Variants in ARHGAP44 observed in about 807,000 individuals in gnomAD.
The protein encoded by ARHGAP44 is rho GTPase-activating protein 44.
ARHGAP44 carries 43 observed loss-of-function variants against 106.8 expected under a neutral mutation model. The observed-to-expected ratio is 0.40, with a 90% CI of 0.32 to 0.52. The LOEUF is 0.52. Among genes scored for constraint, ARHGAP44 ranks in the 20% least tolerant of loss-of-function variants. The pLI is 0.48. For synonymous variants in ARHGAP44, 439 were observed against 410.3 expected (o/e 1.07, Z -0.85); for missense variants, 866 against 1,050.5 (o/e 0.82, Z 2.43).
intron 3 of ARHGAP44, among the ~76,000 whole-genome samples, chr17:12,898,198 A>G (rs1158860209): frequency 6.6e-6 from 1 of 152,072 alleles, no homozygotes; most frequent in East Asian, 1.9e-4. Flanking sequence ...GATTAGTTTG[A>G]ATTATTACGG....
At position 12,943,877 on chromosome 17, in the gene ARHGAP44, C is replaced by T. The variant is rs12603473; in HGVS notation, c.734-192C>T. Among the ~76,000 whole-genome samples the T allele has an allele frequency of 1.9e-3, 282 of 152,232 alleles. 10 individuals are homozygous for T. In the East Asian group the frequency reaches 0.051, roughly 27 times the overall value. Reference sequence around the variant, plus strand: ...GAACATTAACCCCAGTGGCCCTGGACGCAATTGGCTGGCCATCCCCCACCC... The same window carrying T: ...GAACATTAACCCCAGTGGCCCTGGATGCAATTGGCTGGCCATCCCCCACCC... On this transcript the variant is annotated intron_variant, in intron 9 of 20. Transcript: ENST00000379672.
chr17:12,841,594 T>TCTCTCTCTCACACACACACACACA (rs1417307080), intron 1 of ARHGAP44, among the ~76,000 whole-genome samples: 1 of 126,516 alleles, frequency 7.9e-6, no homozygotes, highest in African/African-American at 3.5e-5. Context: ...TGTCTCTCTC[T>TCTCTCTCTCACACACACACACACA]CACACACACA....
intron 16 of ARHGAP44, among the ~76,000 whole-genome samples, chr17:12,968,821 G>A (rs536346795): frequency 1.1e-4 from 17 of 148,294 alleles, no homozygotes; most frequent in African/African-American, 3.7e-4. Context: ...CCAGGTTGGA[G>A]TGCAGTGGCG....
At chr17:12,836,316 G>A (rs963460307) in intron 1 of ARHGAP44, among the ~76,000 whole-genome samples, 3 of 152,072 alleles carry the variant, frequency 2.0e-5, no homozygotes, top group Non-Finnish European at 1.5e-5. Flanking sequence ...TAATATATCA[G>A]ATACAGTGGA....
intron 1 of ARHGAP44, among the ~76,000 whole-genome samples, chr17:12,829,411 T>G (rs2035022807): frequency 6.6e-6 from 1 of 152,144 alleles, no homozygotes; most frequent in South Asian, 2.1e-4. Flanking sequence ...TTTGGCTTCT[T>G]ATAGTATATA....
intron 16 of ARHGAP44, among the ~76,000 whole-genome samples, chr17:12,962,275 G>A (rs552295499): frequency 7.2e-5 from 11 of 152,048 alleles, no homozygotes; most frequent in Non-Finnish European, 1.6e-4. Context: ...GCGACTCTGG[G>A]CTTTGGTCCT....
At chr17:12,935,587 A>G (rs2150973827) in intron 7 of ARHGAP44, among the ~76,000 whole-genome samples, 2 of 143,006 alleles carry the variant, frequency 1.4e-5, no homozygotes, top group Middle Eastern at 7.3e-3. Flanking sequence ...AAAAAAAAAA[A>G]TCAAGGGAAT....
chr17:12,818,647 G>A (rs969413552), intron 1 of ARHGAP44, among the ~76,000 whole-genome samples: 2 of 151,996 alleles, frequency 1.3e-5, no homozygotes, highest in Non-Finnish European at 2.9e-5. Flanking sequence ...ACACAGAAAC[G>A]TCTAAACGCC....
intron 18 of ARHGAP44, among the ~76,000 whole-genome samples, chr17:12,975,506 G>T (rs752007314): frequency 5.3e-5 from 8 of 151,982 alleles, no homozygotes; most frequent in Admixed American, 2.6e-4. Context: ...TCTTTTTAAA[G>T]ATAAAAAGAT....
rs201835763 is a variant in ARHGAP44, at chr17:12,847,510, C to CTTTTTT, written c.54-47429_54-47428insTTTTTT. ...TACACCTTCCTTCAAGCTACCATCA[C>CTTTTTT]TCTTTTTTTTTTTTTTTTTTTGAGA... On this transcript the variant is annotated intron_variant, in intron 1 of 20. Coordinates refer to ENST00000379672, the MANE Select transcript of ARHGAP44 (RefSeq NM_014859.6). Among the ~76,000 whole-genome samples, 6 of 133,600 alleles carry CTTTTTT rather than the reference C, an allele frequency of 4.5e-5. 2 individuals are homozygous for CTTTTTT. The highest frequency in any genetic ancestry group is 1.3e-4 in the African/African-American group (4 of 30,204). 87.6% of individuals were successfully genotyped at this position (133,600 alleles called of 152,430 possible).
chr17:12,967,233 T>A (rs2039413478), intron 16 of ARHGAP44, among the ~76,000 whole-genome samples: 1 of 144,966 alleles, frequency 6.9e-6, no homozygotes, highest in Admixed American at 7.1e-5. Flanking sequence ...AAGATCCTGA[T>A]CCACAACTCT....
chr17:12,978,000 TATA>T (rs1323317489), intron 18 of ARHGAP44, among the ~76,000 whole-genome samples: 3 of 118,414 alleles, frequency 2.5e-5, no homozygotes, highest in African/African-American at 9.7e-5. Flanking sequence ...ATCATGGCAC[TATA>T]CTCCAGCTGG....
chr17:12,982,982 A>G (rs1390203896), intron 19 of ARHGAP44: 1 of 152,244 alleles, frequency 6.6e-6, no homozygotes, highest in African/African-American at 2.4e-5. Flanking sequence ...ACCCACACAC[A>G]TGGCTGGGCA....
At chr17:12,807,279 A>G (rs2034302501) in intron 1 of ARHGAP44, among the ~76,000 whole-genome samples, 1 of 152,214 alleles carries the variant, frequency 6.6e-6, no homozygotes, top group South Asian at 2.1e-4. Context: ...GTGAATTGCC[A>G]TTGTTATTAT....
intron 1 of ARHGAP44, among the ~76,000 whole-genome samples, chr17:12,811,035 G>A (rs1026365937): frequency 9.9e-5 from 15 of 152,046 alleles, no homozygotes; most frequent in South Asian, 2.1e-4. Flanking sequence ...AATCATGGCC[G>A]GGTGCGGTGG....
chr17:12,790,850 G>A (rs984246317), intron 1 of ARHGAP44: 1 of 152,240 alleles, frequency 6.6e-6, no homozygotes, highest in Non-Finnish European at 1.5e-5. Context: ...CCTGGGGAGG[G>A]ATTTCCGTTG....
intron 1 of ARHGAP44, among the ~76,000 whole-genome samples, chr17:12,807,160 A>G (rs553785882): frequency 6.6e-6 from 1 of 152,206 alleles, no homozygotes; most frequent in Admixed American, 6.5e-5. Context: ...ATTGACACTT[A>G]TGTGCATTAA....
At chr17:12,980,315 C>T in intron 19 of ARHGAP44, 82 bp downstream of exon 19, 2 of 1,428,270 alleles carry the variant, frequency 1.4e-6, no homozygotes, top group Non-Finnish European at 1.9e-6. Flanking sequence ...CCTCTATGAA[C>T]TTGGATATTG....
At chr17:12,974,001 A>C (rs1181382430) in intron 17 of ARHGAP44, 88 bp from the exon 18 acceptor site, 2 of 1,373,940 alleles carry the variant, frequency 1.5e-6, no homozygotes, top group African/African-American at 1.4e-5. Flanking sequence ...TCTTCTCCCA[A>C]CGCGGACCTG....
Sources: allele counts gnomAD v4.1 joint callset (sites outside exome capture counted in the v4.1 genomes callset), GRCh38; gene constraint gnomAD v4.1.1; transcripts MANE v1.5; gene names NCBI Gene and HGNC (gene_info 2026-07-23, HGNC 2026-07-21).